GALNT15: variants seen among roughly 807,000 people sequenced by gnomAD.
The protein encoded by GALNT15 is UDP-GalNAc transferase T15.
A neutral mutation model predicts 66.8 loss-of-function variants in GALNT15; 67 were observed. That is an observed-to-expected ratio of 1.00 (90% CI 0.82 to 1.23). GALNT15 has a LOEUF of 1.23. Ranked by LOEUF, GALNT15 falls within the 50% of genes most tolerant of loss-of-function variation. The pLI, the probability that GALNT15 is intolerant of heterozygous loss-of-function variation, is 0.00. For synonymous variants in GALNT15, 313 were observed against 311.5 expected, an observed-to-expected ratio of 1.00 and a Z score of -0.05; for missense variants, 827 against 804.3, an observed-to-expected ratio of 1.03 and a Z score of -0.34.
chr3:16,175,574 G>A lies in GALNT15; in HGVS notation c.423G>A (p.Gly141=), dbSNP rs758215607. The A allele has an allele frequency of 1.9e-6, 3 of 1,613,776 alleles. No individual in the cohort carries two copies. The highest frequency in any genetic ancestry group is 1.1e-5 in the South Asian group (1 of 91,082). ...PKRDWGADED[G]EVSEEEELTP... Reference sequence around the variant, plus strand: ...GGGACTGGGGGGCTGATGAGGACGGGGAGGTGTCTGAAGAAGAGGAGTTGA... The same window carrying A: ...GGGACTGGGGGGCTGATGAGGACGGAGAGGTGTCTGAAGAAGAGGAGTTGA... The change falls in exon 1 of 10, where the codon GGG becomes GGA. Residue 141 remains glycine (G), a synonymous_variant. Coordinates refer to ENST00000339732, the MANE Select transcript of GALNT15 (RefSeq NM_054110.5). The surrounding 1 kb of genome is among the most constrained non-coding windows in gnomAD (Gnocchi z 5.6).
rs2064051868 is a variant in GALNT15 at position 16,228,825 on chromosome 3, C to T, written c.*1325C>T. The T allele has an allele frequency of 1.1e-5, 11 of 985,212 alleles. No individual in the cohort carries two copies. In the South Asian group the frequency reaches 5.2e-4, roughly 46 times the overall value. 61.0% of individuals were successfully genotyped at this position (985,212 alleles called of 1,614,324 possible). A position where few individuals can be genotyped will look rare whatever the true frequency, so the allele number is the denominator to read the frequency against. ...TTAATGTCCATGAGAGCTGACAGGG[C>T]CATCTCTGAGCCCATATAACTGTCT... On this transcript the variant is annotated 3_prime_UTR_variant, in exon 10 of 10. Coordinates refer to ENST00000339732, the MANE Select transcript of GALNT15 (RefSeq NM_054110.5).
chr3:16,220,563 G>A (rs1047218171), intron 8 of GALNT15, among the ~76,000 whole-genome samples: 2 of 152,172 alleles, frequency 1.3e-5, no homozygotes, highest in African/African-American at 4.8e-5. Flanking sequence ...GCTGAGGGCT[G>A]GTAGGTCCAC....
chr3:16,228,197 T>A lies in GALNT15; in HGVS notation c.*697T>A. The A allele has an allele frequency of 8.1e-6, 8 of 985,868 alleles. No homozygotes were observed. The highest frequency in any genetic ancestry group is 9.6e-6 in the Non-Finnish European group (8 of 829,894). 61.1% of individuals were successfully genotyped at this position (985,868 alleles called of 1,614,324 possible). A position where few individuals can be genotyped will look rare whatever the true frequency, so the allele number is the denominator to read the frequency against. On this transcript the variant is annotated 3_prime_UTR_variant, in exon 10 of 10. Transcript: ENST00000339732. The stretch of plus-strand genomic sequence containing the variant: ...TAGAGAATTTCCTTCCTACTGAGAA[T>A]CTACCTCTATTCCCCCTGCCCTAGC...
the GALNT15 span, among the ~76,000 whole-genome samples, chr3:16,239,390 T>C: frequency 6.6e-6 from 1 of 152,138 alleles, no homozygotes; most frequent in East Asian, 1.9e-4. The surrounding 1 kb of genome is among the most constrained non-coding windows in gnomAD (Gnocchi z 5.2). Context: ...TCAGGCAAGA[T>C]TGGGCTCAGC....
chr3:16,195,992 G>T lies in GALNT15; in HGVS notation c.706+66G>T. The T allele has an allele frequency of 6.6e-7, 1 of 1,526,244 alleles. No homozygotes were observed. Among genetic ancestry groups the T allele is most frequent in the Non-Finnish European group, 9.0e-7 (1 of 1,113,524 alleles). The allele number at this position is 1,526,244 out of a possible 1,614,324, so 94.5% of individuals were successfully genotyped here. On this transcript the variant is annotated intron_variant, in intron 2 of 9. Coordinates refer to ENST00000339732, the MANE Select transcript of GALNT15 (RefSeq NM_054110.5). This position sits in a 1 kb window ranked among gnomAD's most constrained non-coding sequence, Gnocchi z 4.6. ...ACCCCCTGGCGGGTGGAGTTCTCAA[G>T]CAAAAGATTGAAGTTTGGAACTATT... is the stretch of plus-strand genomic sequence containing the variant.
intron 1 of GALNT15, among the ~76,000 whole-genome samples, chr3:16,179,630 C>T (rs978326186): frequency 1.3e-5 from 2 of 152,074 alleles, no homozygotes; most frequent in Non-Finnish European, 2.9e-5. Context: ...CCTAAAAATC[C>T]CCTGCTGAGT....
At chr3:16,241,707 C>T in the GALNT15 span, among the ~76,000 whole-genome samples, 194 of 152,226 alleles carry the variant, frequency 1.3e-3, 2 homozygotes, top group African/African-American at 4.5e-3. The surrounding 1 kb of genome is among the most constrained non-coding windows in gnomAD (Gnocchi z 4.6). Context: ...TGCCATCATG[C>T]CTAGCTAATG....
At chr3:16,202,788 C>T (rs2063716901) in intron 3 of GALNT15, among the ~76,000 whole-genome samples, 1 of 152,228 alleles carries the variant, frequency 6.6e-6, no homozygotes, top group African/African-American at 2.4e-5. Context: ...TCTGGTATCA[C>T]AGACAGGTGG....
At chr3:16,241,721 G>A in the GALNT15 span, among the ~76,000 whole-genome samples, 1 of 152,068 alleles carries the variant, frequency 6.6e-6, no homozygotes, top group Admixed American at 6.5e-5. The surrounding 1 kb of genome is among the most constrained non-coding windows in gnomAD (Gnocchi z 4.6). Context: ...GCTAATGTTT[G>A]TATTTTTGTA....
In GALNT15 at chr3:16,193,151, G is replaced by A. The variant is rs2063597180; in HGVS notation, c.540-2609G>A. 6.6e-6 allele frequency among the ~76,000 whole-genome samples: 1 copy of A among 152,184 alleles called. No homozygotes were observed. Among genetic ancestry groups the A allele is most frequent in the South Asian group, 2.1e-4 (1 of 4,830 alleles). ...AATTGAAAGAAAAAATTACTAGAAA[G>A]AGTGTTGCTTTCCCCAAAAACCTTG... On this transcript the variant is annotated intron_variant, in intron 1 of 9. Transcript: ENST00000339732. This position sits in a 1 kb window ranked among gnomAD's most constrained non-coding sequence, Gnocchi z 4.7.
rs1324522901 is a variant in GALNT15 at position 16,219,248 on chromosome 3, A to T, written c.1393-155A>T. 6.6e-6 allele frequency among the ~76,000 whole-genome samples: 1 copy of T among 152,104 alleles called. No individual in the cohort carries two copies. On this transcript the variant is annotated intron_variant, in intron 6 of 9. Coordinates refer to ENST00000339732, the MANE Select transcript of GALNT15 (RefSeq NM_054110.5). The surrounding 1 kb of genome is among the most constrained non-coding windows in gnomAD (Gnocchi z 4.3). ...CTTCCAGACCTTCTTCTCCCAACACATGACCCTCCCCACTGCAGCCCTGGA... is the reference window on the plus strand; with the variant it reads ...CTTCCAGACCTTCTTCTCCCAACACTTGACCCTCCCCACTGCAGCCCTGGA...
chr3:16,205,638 CAAG>C (rs2063748637), intron 3 of GALNT15, among the ~76,000 whole-genome samples: 1 of 152,184 alleles, frequency 6.6e-6, no homozygotes, highest in Admixed American at 6.5e-5. Context: ...ACGTGAATTC[CAAG>C]AACACCAGAC....
rs1285923201 is a variant in GALNT15, at chr3:16,219,054, GATCCA to G, written c.1393-348_1393-344del. ...TGGTCTTGAACTCCTGACCTCAAGT[GATCCA>G]CCAGCCTCGGCCTCCCAAAGTGCTG... On this transcript the variant is annotated intron_variant, in intron 6 of 9. Transcript: ENST00000339732. The surrounding 1 kb of genome is among the most constrained non-coding windows in gnomAD (Gnocchi z 4.3). Among the ~76,000 whole-genome samples the G allele has an allele frequency of 6.6e-6, 1 of 152,064 alleles. No homozygotes were observed. Among genetic ancestry groups the G allele is most frequent in the Non-Finnish European group, 1.5e-5 (1 of 68,020 alleles).
chr3:16,208,653 C>T lies in GALNT15; in HGVS notation c.1062C>T (p.Ser354=). The T allele has an allele frequency of 6.2e-7, 1 of 1,613,860 alleles. No homozygotes were observed. The highest frequency in any genetic ancestry group is 1.1e-5 in the South Asian group (1 of 91,022). The change falls in exon 4 of 10, where the codon TCC becomes TCT. Residue 354 remains serine, a synonymous_variant. Transcript: ENST00000339732. The part of the protein sequence containing the change: ...LPEHVRKALQ[S]PISPIRSPVV... The stretch of plus-strand genomic sequence containing the variant: ...AGCATGTGAGGAAGGCCCTCCAGTC[C>T]CCCATAAGCCCCATCAGGTGAGTCC...
chr3:16,228,515 C>T lies in GALNT15; in HGVS notation c.*1015C>T, dbSNP rs2064046811. On this transcript the variant is annotated 3_prime_UTR_variant, in exon 10 of 10. Transcript: ENST00000339732. ...AATTAGCTGGGCATGGTGGCGCATACCTGTAATCCCAGCTACTTGGGAGGC... is the reference window on the plus strand; with the variant it reads ...AATTAGCTGGGCATGGTGGCGCATATCTGTAATCCCAGCTACTTGGGAGGC... 1.8e-6 allele frequency: 1 copy of T among 559,520 alleles called. No homozygotes were observed. Among genetic ancestry groups the T allele is most frequent in the South Asian group, 7.8e-5 (1 of 12,764 alleles). 34.7% of individuals were successfully genotyped at this position (559,520 alleles called of 1,614,324 possible). A position where few individuals can be genotyped will look rare whatever the true frequency, so the allele number is the denominator to read the frequency against.
At chr3:16,207,872 G>T (rs1244871550) in intron 3 of GALNT15, among the ~76,000 whole-genome samples, 1 of 152,202 alleles carries the variant, frequency 6.6e-6, no homozygotes, top group Non-Finnish European at 1.5e-5. Context: ...AAGAGCCACA[G>T]TCCTAGAGCA....
chr3:16,203,643 C>T lies in GALNT15; in HGVS notation c.911+2820C>T, dbSNP rs879261135. On this transcript the variant is annotated intron_variant, in intron 3 of 9. Coordinates refer to ENST00000339732, the MANE Select transcript of GALNT15 (RefSeq NM_054110.5). The surrounding 1 kb of genome is among the most constrained non-coding windows in gnomAD (Gnocchi z 6.2). Reference sequence around the variant, plus strand: ...GCTTGCCTTCCTCTTTGGGTTCCATCTCTTCTGCGTGATGTGACCACATTT... The same window carrying T: ...GCTTGCCTTCCTCTTTGGGTTCCATTTCTTCTGCGTGATGTGACCACATTT... Among the ~76,000 whole-genome samples the T allele has an allele frequency of 4.6e-5, 7 of 151,648 alleles. No homozygotes were observed. Among genetic ancestry groups the T allele is most frequent in the Admixed American group, 2.6e-4 (4 of 15,204 alleles).
rs1377227387 is a variant in GALNT15, at chr3:16,175,818, C to A, written c.539+128C>A. The A allele has an allele frequency of 4.9e-6, 4 of 824,050 alleles. No homozygotes were observed. The highest frequency in any genetic ancestry group is 3.9e-5 in the South Asian group (2 of 51,274). The allele number at this position is 824,050 out of a possible 1,614,324, so 51.0% of individuals were successfully genotyped here. On this transcript the variant is annotated intron_variant, in intron 1 of 9. Coordinates refer to ENST00000339732, the MANE Select transcript of GALNT15 (RefSeq NM_054110.5). The surrounding 1 kb of genome is among the most constrained non-coding windows in gnomAD (Gnocchi z 5.6). Reference sequence around the variant, plus strand: ...AGCAAGTGCTTTTCAAGATGCAGTACCTGGGCCAGCAGCGTCAGCAGCCCC... The same window carrying A: ...AGCAAGTGCTTTTCAAGATGCAGTAACTGGGCCAGCAGCGTCAGCAGCCCC...
At chr3:16,216,540 A>G (rs1368922256) in intron 6 of GALNT15, among the ~76,000 whole-genome samples, 3 of 151,474 alleles carry the variant, frequency 2.0e-5, no homozygotes, top group Non-Finnish European at 4.4e-5. Flanking sequence ...GAAAGTAAGT[A>G]AAGTACATTT....
Sources: gnomAD v4.1 joint callset for allele counts (sites outside exome capture counted in the v4.1 genomes callset) on GRCh38, gnomAD v4.1.1 for gene constraint, Gnocchi (gnomAD v3.1) non-coding constraint, MANE v1.5 for transcripts, NCBI Gene and HGNC (gene_info 2026-07-23, HGNC 2026-07-21) for gene names.